Variants in POU2F3 observed in about 807,000 individuals in gnomAD.
The protein encoded by POU2F3 is POU domain, class 2, transcription factor 3.
A neutral mutation model predicts 59.2 loss-of-function variants in POU2F3; 23 were observed. That is an observed-to-expected ratio of 0.39 (90% CI 0.28 to 0.55). The LOEUF is 0.55. Among genes scored for constraint, POU2F3 ranks in the 20% least tolerant of loss-of-function variants. The pLI is 0.66. For synonymous variants in POU2F3, 190 were observed against 214.6 expected (o/e 0.89, Z 1.00); for missense variants, 473 against 544.5 (o/e 0.87, Z 1.31).
At chr11:120,260,042 G>C (rs1939525002) in intron 2 of POU2F3, among the ~76,000 whole-genome samples, 1 of 152,238 alleles carries the variant, frequency 6.6e-6, no homozygotes, top group Non-Finnish European at 1.5e-5. Context: ...CAAGGTGCTA[G>C]TGTCACTAGA....
At chr11:120,291,819 T>C (rs1485934565) in intron 3 of POU2F3, among the ~76,000 whole-genome samples, 1 of 151,810 alleles carries the variant, frequency 6.6e-6, no homozygotes, top group Non-Finnish European at 1.5e-5. Flanking sequence ...TTTTCTTTTT[T>C]TTTTTTTGAG....
chr11:120,245,420 G>A (rs1395466478), intron 1 of POU2F3, among the ~76,000 whole-genome samples: 3 of 152,108 alleles, frequency 2.0e-5, no homozygotes, highest in South Asian at 2.1e-4. Context: ...AGCTGAGTAC[G>A]CAAATTGGCT....
chr11:120,296,208 T>C (rs1189919363), intron 3 of POU2F3, among the ~76,000 whole-genome samples: 2 of 152,210 alleles, frequency 1.3e-5, no homozygotes, highest in African/African-American at 4.8e-5. Flanking sequence ...AATGCACATC[T>C]TCAACATTTT....
At chr11:120,276,044 T>C (rs1354809346) in intron 3 of POU2F3, among the ~76,000 whole-genome samples, 1 of 152,196 alleles carries the variant, frequency 6.6e-6, no homozygotes, top group Non-Finnish European at 1.5e-5. Context: ...GAGAGGTTTC[T>C]TCAGGGAGGC....
At chr11:120,241,638 G>A (rs1466615108) in intron 1 of POU2F3, among the ~76,000 whole-genome samples, 1 of 152,220 alleles carries the variant, frequency 6.6e-6, no homozygotes, top group Non-Finnish European at 1.5e-5. Flanking sequence ...CCGGGTAGGT[G>A]CTCTCCCCTT....
upstream of POU2F3, chr11:120,236,732 TTCTAGCTCA>T (rs1938510633): frequency 6.9e-7 from 1 of 1,457,146 alleles, no homozygotes; most frequent in Non-Finnish European, 9.3e-7. Context: ...TACGTTCCCA[TTCTAGCTCA>T]TCTAACTGAA....
intron 2 of POU2F3, among the ~76,000 whole-genome samples, chr11:120,263,414 G>A (rs1939689279): frequency 6.6e-6 from 1 of 152,114 alleles, no homozygotes; most frequent in African/African-American, 2.4e-5. Flanking sequence ...TTGTTGGTTT[G>A]GGTCTCCTGT....
chr11:120,294,600 A>G (rs1453775857), intron 3 of POU2F3, among the ~76,000 whole-genome samples: 1 of 152,230 alleles, frequency 6.6e-6, no homozygotes, highest in Non-Finnish European at 1.5e-5. Context: ...GAAAGCTTCC[A>G]ACCTTTTCCC....
intron 3 of POU2F3, among the ~76,000 whole-genome samples, chr11:120,294,137 A>T (rs1358972857): frequency 6.6e-6 from 1 of 152,170 alleles, no homozygotes; most frequent in Non-Finnish European, 1.5e-5. Context: ...GAAGTAAGTG[A>T]TGTCAGAGAG....
chr11:120,318,373 A>G lies in POU2F3; in HGVS notation c.1292A>G (p.His431Arg). 6.2e-7 allele frequency: 1 copy of G among 1,606,294 alleles called. No individual in the cohort carries two copies. Among genetic ancestry groups the G allele is most frequent in the Non-Finnish European group, 8.5e-7 (1 of 1,172,836 alleles). ...TCCAGATCTTGGTACCGATGGAATC[A>G]TTCCACCTACCTCCACTGAGACCAA... ...NSSGSWYRWN[H>R]STYLH Residue 431 changes from histidine to arginine, a missense_variant, in exon 13 of 13, where the codon CAT becomes CGT. Physicochemically the swap from His to Arg is conservative, Grantham distance 29. Transcript: ENST00000543440.
intron 1 of POU2F3, 47 bp downstream of exon 1, chr11:120,240,418 G>T: frequency 1.5e-6 from 2 of 1,353,906 alleles, no homozygotes; most frequent in Non-Finnish European, 1.9e-6. Flanking sequence ...CTGCGCGTGG[G>T]CAGGGGTGAA....
intron 2 of POU2F3, chr11:120,258,875 G>A (rs1366670927): frequency 1.3e-5 from 2 of 152,296 alleles, no homozygotes; most frequent in African/African-American, 2.4e-5. Flanking sequence ...ATGGGGTTGA[G>A]GCAGGGATCT....
chr11:120,241,143 C>T (rs1476794893), intron 1 of POU2F3, among the ~76,000 whole-genome samples: 5 of 152,158 alleles, frequency 3.3e-5, no homozygotes, highest in African/African-American at 4.8e-5. Flanking sequence ...CTTGGGGCTT[C>T]CTGTTAGGGT....
chr11:120,309,967 TA>T (rs1941611717), intron 10 of POU2F3, among the ~76,000 whole-genome samples: 1 of 151,624 alleles, frequency 6.6e-6, no homozygotes, highest in African/African-American at 2.4e-5. Context: ...GGACCAGAAG[TA>T]GGAGAGGAAG....
At chr11:120,254,401 G>T (rs1295752557) in intron 2 of POU2F3, among the ~76,000 whole-genome samples, 1 of 152,194 alleles carries the variant, frequency 6.6e-6, no homozygotes, top group Non-Finnish European at 1.5e-5. Context: ...TTTCAAGGCA[G>T]AATTGGGTGC....
chr11:120,302,540 A>T (rs889241243), intron 6 of POU2F3, 172 bp downstream of exon 6: 4 of 588,712 alleles, frequency 6.8e-6, no homozygotes, highest in Non-Finnish European at 1.2e-5. Flanking sequence ...AAGTGGGGGG[A>T]CAATTTACCA....
intron 3 of POU2F3, among the ~76,000 whole-genome samples, chr11:120,288,744 G>A (rs1940910296): frequency 7.4e-6 from 1 of 135,600 alleles, no homozygotes; most frequent in South Asian, 2.5e-4. Context: ...CACAAAATGT[G>A]GACAAAGAGA....
intron 3 of POU2F3, among the ~76,000 whole-genome samples, chr11:120,289,849 C>A (rs1394478307): frequency 6.6e-6 from 1 of 152,142 alleles, no homozygotes; most frequent in Non-Finnish European, 1.5e-5. Flanking sequence ...TCTTTGCCAC[C>A]TCTTACCTGC....
chr11:120,298,876 G>C (rs1197314941), intron 4 of POU2F3, among the ~76,000 whole-genome samples: 1 of 152,180 alleles, frequency 6.6e-6, no homozygotes, highest in African/African-American at 2.4e-5. Flanking sequence ...GGATCACCTG[G>C]GGGAGAAAGA....
Sources: allele counts gnomAD v4.1 joint callset (sites outside exome capture counted in the v4.1 genomes callset), GRCh38; gene constraint gnomAD v4.1.1; transcripts MANE v1.5; gene names NCBI Gene and HGNC (gene_info 2026-07-23, HGNC 2026-07-21).